Variants in CACNA2D3 observed in about 807,000 individuals in gnomAD.
The protein encoded by CACNA2D3 is calcium voltage-gated channel auxiliary subunit alpha2delta 3, also known as voltage-dependent calcium channel subunit alpha-2/delta-3.
In CACNA2D3, 60 loss-of-function variants were observed where a neutral mutation model predicts 160.6. The observed-to-expected ratio is 0.37, with a 90% CI of 0.30 to 0.46. The LOEUF (loss-of-function observed/expected upper bound fraction) is 0.46, where lower values mean the gene tolerates loss of function less well. Ranked by LOEUF, CACNA2D3 falls within the 20% of genes least tolerant of loss-of-function variation. The pLI, the probability that CACNA2D3 is intolerant of heterozygous loss-of-function variation, is 1.00. For missense variants in CACNA2D3, 1,205 were observed against 1,365.0 expected (o/e 0.88, Z 1.85); for synonymous variants, 558 against 492.9 (o/e 1.13, Z -1.75).
At chr3:54,935,583 A>G (rs1701307658) in intron 27 of CACNA2D3, among the ~76,000 whole-genome samples, 1 of 152,174 alleles carries the variant, frequency 6.6e-6, no homozygotes. Context: ...AGGAATATAA[A>G]TTGGAATCAA....
chr3:54,683,079 C>T (rs1039518485), intron 11 of CACNA2D3, among the ~76,000 whole-genome samples: 2 of 152,064 alleles, frequency 1.3e-5, no homozygotes, highest in African/African-American at 4.8e-5. Context: ...CCTTCATTCA[C>T]ACCCCCTCTA....
At chr3:55,054,251 C>T (rs1399144975) in intron 35 of CACNA2D3, among the ~76,000 whole-genome samples, 1 of 151,822 alleles carries the variant, frequency 6.6e-6, no homozygotes, top group Non-Finnish European at 1.5e-5. Flanking sequence ...CTTTACTCAA[C>T]TCTGGGATTC....
At chr3:54,465,764 C>T (rs537657616) in intron 4 of CACNA2D3, among the ~76,000 whole-genome samples, 28 of 152,172 alleles carry the variant, frequency 1.8e-4, no homozygotes, top group East Asian at 3.9e-4. Context: ...TTGCATAACT[C>T]GTTAACATTA....
intron 4 of CACNA2D3, among the ~76,000 whole-genome samples, chr3:54,443,033 AGG>A (rs1316019845): frequency 6.6e-6 from 1 of 152,124 alleles, no homozygotes; most frequent in Non-Finnish European, 1.5e-5. Flanking sequence ...TACCTAGAAG[AGG>A]GGGCTAAATG....
At chr3:54,384,027 A>T (rs186809091) in intron 3 of CACNA2D3, among the ~76,000 whole-genome samples, 2 of 152,306 alleles carry the variant, frequency 1.3e-5, no homozygotes, top group Admixed American at 1.3e-4. Context: ...CATTTCATGG[A>T]TACTGTTTCA....
intron 2 of CACNA2D3, among the ~76,000 whole-genome samples, chr3:54,277,696 T>C (rs182970261): frequency 2.6e-5 from 4 of 152,326 alleles, no homozygotes; most frequent in African/African-American, 7.2e-5. Flanking sequence ...GGGGATAGCA[T>C]TGAATCTATA....
At chr3:54,294,832 G>T (rs886194895) in intron 2 of CACNA2D3, among the ~76,000 whole-genome samples, 3 of 152,172 alleles carry the variant, frequency 2.0e-5, no homozygotes, top group South Asian at 2.1e-4. Flanking sequence ...ATTGGCTCTT[G>T]CCACTGCTGG....
intron 9 of CACNA2D3, among the ~76,000 whole-genome samples, chr3:54,614,267 T>C (rs1038724243): frequency 6.6e-6 from 1 of 152,196 alleles, no homozygotes; most frequent in African/African-American, 2.4e-5. Flanking sequence ...GGAGGCCCCT[T>C]CCATTGCTGA....
At chr3:54,894,859 T>C in intron 25 of CACNA2D3, 1 of 341,146 alleles carries the variant, frequency 2.9e-6, no homozygotes, top group Non-Finnish European at 5.9e-6. Context: ...AAAGAAGAGC[T>C]TGTCTACCAA....
chr3:54,906,936 A>C (rs1700460857), intron 27 of CACNA2D3, among the ~76,000 whole-genome samples: 1 of 152,170 alleles, frequency 6.6e-6, no homozygotes, highest in Non-Finnish European at 1.5e-5. Context: ...CATACCACAC[A>C]GTAGCCAGTG....
intron 35 of CACNA2D3, among the ~76,000 whole-genome samples, chr3:55,020,456 T>C (rs1017742651): frequency 6.7e-6 from 1 of 149,846 alleles, no homozygotes; most frequent in African/African-American, 2.4e-5. Flanking sequence ...ATGTATAGTA[T>C]GTATGTATTA....
At chr3:54,866,045 T>C (rs775441131) in intron 17 of CACNA2D3, among the ~76,000 whole-genome samples, 1 of 152,172 alleles carries the variant, frequency 6.6e-6, no homozygotes, top group African/African-American at 2.4e-5. Flanking sequence ...TGGGTTCCCT[T>C]GATGAAGCCT....
chr3:54,256,021 G>A (rs1383439213), intron 2 of CACNA2D3, among the ~76,000 whole-genome samples: 2 of 152,144 alleles, frequency 1.3e-5, no homozygotes, highest in African/African-American at 4.8e-5. Flanking sequence ...GTTGGAAATA[G>A]GAAGTCATTG....
At chr3:54,681,946 G>A (rs540108136) in intron 11 of CACNA2D3, among the ~76,000 whole-genome samples, 12 of 152,204 alleles carry the variant, frequency 7.9e-5, no homozygotes, top group African/African-American at 2.6e-4. Context: ...ACCTCTCAAA[G>A]TGCTGGGATT....
At chr3:54,584,707 C>A (rs11918107) in intron 9 of CACNA2D3, among the ~76,000 whole-genome samples, 37,830 of 151,880 alleles carry the variant, frequency 0.25, 5,111 homozygotes, top group Middle Eastern at 0.35. Flanking sequence ...TAGAATAAAC[C>A]TATGTAAATC....
chr3:55,055,405 T>C (rs771969778), intron 35 of CACNA2D3, among the ~76,000 whole-genome samples: 5 of 152,104 alleles, frequency 3.3e-5, no homozygotes, highest in Admixed American at 1.3e-4. Context: ...CATTAATAGA[T>C]GTGTTTATTT....
intron 3 of CACNA2D3, among the ~76,000 whole-genome samples, chr3:54,365,213 GA>G (rs1443040831): frequency 6.6e-6 from 1 of 152,190 alleles, no homozygotes; most frequent in Non-Finnish European, 1.5e-5. Flanking sequence ...CATGTTTGCT[GA>G]ATCTTTAGTC....
intron 2 of CACNA2D3, among the ~76,000 whole-genome samples, chr3:54,132,859 G>A (rs1028758778): frequency 3.9e-5 from 6 of 152,180 alleles, no homozygotes; most frequent in Non-Finnish European, 8.8e-5. Context: ...CTGAGCCTCA[G>A]TGTTCGCACC....
chr3:54,291,395 G>T (rs920524829), intron 2 of CACNA2D3, among the ~76,000 whole-genome samples: 1 of 152,020 alleles, frequency 6.6e-6, no homozygotes, highest in African/African-American at 2.4e-5. Flanking sequence ...AACCCTTAAG[G>T]CTACTTTTTC....
Sources: gnomAD v4.1 joint callset for allele counts (sites outside exome capture counted in the v4.1 genomes callset) on GRCh38, gnomAD v4.1.1 for gene constraint, MANE v1.5 for transcripts, NCBI Gene and HGNC (gene_info 2026-07-23, HGNC 2026-07-21) for gene names.